The following RER1 variants were observed in gnomAD, a reference collection of about 807,000 sequenced individuals.
RER1 encodes retention in endoplasmic reticulum sorting receptor 1.
In RER1, 6 loss-of-function variants were observed where a neutral mutation model predicts 28.3. The ratio of observed to expected loss-of-function variants is 0.21; its 90% confidence interval spans 0.12 to 0.42. The LOEUF (loss-of-function observed/expected upper bound fraction) is 0.42, where lower values mean the gene tolerates loss of function less well. Among genes scored for constraint, RER1 ranks in the 10% least tolerant of loss-of-function variants. The pLI is 1.00. For synonymous variants in RER1, 110 were observed against 95.9 expected (o/e 1.15, Z -0.86); for missense variants, 159 against 252.9 (o/e 0.63, Z 2.52).
intron 3 of RER1, among the ~76,000 whole-genome samples, chr1:2,398,102 C>T (rs978025143): frequency 6.6e-6 from 1 of 152,234 alleles, no homozygotes; most frequent in African/African-American, 2.4e-5. Context: ...GTGCAGCACC[C>T]ACAGGTCAGT....
rs368031199 is a variant in RER1, at chr1:2,391,891, C to T, written c.-75C>T. ...CCGGAGCGCAGCGCCTGCGGCCGCC[C>T]GTGCCCCGCCGTCCTCCTTCCCGCG... is the stretch of plus-strand genomic sequence containing the variant. On this transcript the variant is annotated 5_prime_UTR_variant, in exon 1 of 7. Transcript: ENST00000605895. 3 of 232,766 alleles carry T rather than the reference C, an allele frequency of 1.3e-5. No individual in the cohort carries two copies. Among genetic ancestry groups the T allele is most frequent in the Admixed American group, 1.1e-4 (2 of 17,582 alleles). 14.4% of individuals were successfully genotyped at this position (232,766 alleles called of 1,614,324 possible).
intron 4 of RER1, 114 bp from the exon 5 acceptor site, chr1:2,400,743 T>C (rs1642834642): frequency 6.9e-6 from 6 of 864,638 alleles, no homozygotes; most frequent in Admixed American, 2.0e-5. Flanking sequence ...TTAAATGACA[T>C]GAATCTCGGT....
chr1:2,398,176 C>T (rs192354482), intron 3 of RER1, among the ~76,000 whole-genome samples: 1 of 151,880 alleles, frequency 6.6e-6, no homozygotes, highest in Admixed American at 6.6e-5. Flanking sequence ...GCCCTGCAGC[C>T]GAGGATGGAC....
chr1:2,400,364 C>T (rs1642828103), intron 4 of RER1, among the ~76,000 whole-genome samples: 1 of 152,312 alleles, frequency 6.6e-6, no homozygotes, highest in South Asian at 2.1e-4. Flanking sequence ...TAACAAAGAG[C>T]CCCTTTCCTG....
Position 2,400,892 on chromosome 1 carries a change from G to C in RER1, c.322G>C (p.Glu108Gln). Residue 108 changes from glutamate to glutamine, a missense_variant, in exon 5 of 7, where the codon GAA becomes CAA. Physicochemically the swap from Glu to Gln is conservative, Grantham distance 29. Coordinates refer to ENST00000605895, the MANE Select transcript of RER1 (RefSeq NM_007033.5). ...TTCGCTACCCACCAAACAGAACGAG[G>C]AATTCCGCCCCTTCATTCGAAGGCT... ...GPSLPTKQNE[E>Q]FRPFIRRLPE... is the part of the protein sequence containing the mutation. 1.2e-6 allele frequency: 2 copies of C among 1,614,116 alleles called. No homozygotes were observed. Among genetic ancestry groups the C allele is most frequent in the Non-Finnish European group, 1.7e-6 (2 of 1,180,016 alleles).
chr1:2,396,174 G>A (rs537018040), intron 2 of RER1: 21 of 356,130 alleles, frequency 5.9e-5, no homozygotes, highest in South Asian at 3.1e-4. Flanking sequence ...CGTGGCTGCC[G>A]TTCTGCTCTT....
chr1:2,397,161 C>T lies in RER1; in HGVS notation c.127C>T (p.Arg43Ter), dbSNP rs989273933. The change falls in exon 3 of 7, where the codon CGA (arginine) becomes TGA (stop). Residue 43 changes from arginine (R) to a stop codon, truncating the protein, a stop_gained. Transcript: ENST00000605895. LOFTEE classifies it high-confidence loss of function. The part of the protein sequence containing the change: ...LDKSTPYTAV[R>*]WVVTLGLSFV... ...CAAGTCCACACCCTACACGGCTGTG[C>T]GATGGGTCGTGACACTGGGCCTGAG... The T allele has an allele frequency of 2.5e-6, 4 of 1,613,904 alleles. No individual in the cohort carries two copies. The highest frequency in any genetic ancestry group is 1.3e-5 in the African/African-American group (1 of 75,014).
chr1:2,392,456 C>T (rs1401504457), intron 1 of RER1, among the ~76,000 whole-genome samples: 1 of 152,212 alleles, frequency 6.6e-6, no homozygotes, highest in Non-Finnish European at 1.5e-5. Flanking sequence ...CTAGTTACAT[C>T]GGTTTTGATC....
rs1642963713 is a variant in RER1 at position 2,405,342 on chromosome 1, C to T, written c.*2218C>T. On this transcript the variant is annotated 3_prime_UTR_variant, in exon 7 of 7. Coordinates refer to ENST00000605895, the MANE Select transcript of RER1 (RefSeq NM_007033.5). ...AACCCGCCAGCCTCCGTGCCCCACC[C>T]CACCCAGCACGCACTCATTCAGTCC... 8.9e-6 allele frequency: 3 copies of T among 337,746 alleles called. No homozygotes were observed. Among genetic ancestry groups the T allele is most frequent in the South Asian group, 7.1e-5 (3 of 42,222 alleles). 20.9% of individuals were successfully genotyped at this position (337,746 alleles called of 1,614,324 possible).
At chr1:2,392,384 T>C (rs1017137358) in intron 1 of RER1, among the ~76,000 whole-genome samples, 18 of 152,356 alleles carry the variant, frequency 1.2e-4, no homozygotes, top group Admixed American at 1.1e-3. Flanking sequence ...AGGTCAGCGC[T>C]TATCTGTAGG....
chr1:2,395,914 G>T, intron 2 of RER1, 43 bp downstream of exon 2: 2 of 1,415,692 alleles, frequency 1.4e-6, no homozygotes, highest in East Asian at 2.3e-5. Context: ...ATTTGAAAAA[G>T]AAACGGGACT....
chr1:2,401,241 TTCCTCCCTCCTTCCTCCCTCCTCCAC>T (rs1642846125), intron 5 of RER1, among the ~76,000 whole-genome samples: 2 of 60,070 alleles, frequency 3.3e-5, no homozygotes, highest in Non-Finnish European at 7.2e-5. Context: ...TCCTCCCTCC[TTCCTCCCTCCTTCCTCCCTCCTCCAC>T]CCTCCCTCCT....
At chr1:2,399,250 A>G (rs1233982810) in intron 3 of RER1, among the ~76,000 whole-genome samples, 165 bp from the exon 4 acceptor site, 2 of 152,222 alleles carry the variant, frequency 1.3e-5, no homozygotes, top group South Asian at 2.1e-4. Context: ...AATTGTTACC[A>G]TGGGATTTCA....
chr1:2,400,046 A>G (rs1642823439), intron 4 of RER1, among the ~76,000 whole-genome samples: 1 of 152,082 alleles, frequency 6.6e-6, no homozygotes, highest in Non-Finnish European at 1.5e-5. Context: ...GTGCTCCACT[A>G]TTGGAAGACT....
At chr1:2,398,587 C>T (rs1642801811) in intron 3 of RER1, among the ~76,000 whole-genome samples, 1 of 152,308 alleles carries the variant, frequency 6.6e-6, no homozygotes, top group East Asian at 1.9e-4. Context: ...CGAGGTTTCA[C>T]CATGTTGGCC....
intron 2 of RER1, 74 bp from the exon 3 acceptor site, chr1:2,397,042 A>G: frequency 1.1e-6 from 1 of 917,632 alleles, no homozygotes; most frequent in Non-Finnish European, 1.8e-6. Flanking sequence ...CCCTAGCAGA[A>G]GGTACATTTT....
At chr1:2,398,913 G>A (rs1642806488) in intron 3 of RER1, among the ~76,000 whole-genome samples, 1 of 152,202 alleles carries the variant, frequency 6.6e-6, no homozygotes, top group South Asian at 2.1e-4. Context: ...TCCTGGCAGA[G>A]TGTTTTTGGC....
chr1:2,393,265 T>G (rs1224188422), intron 1 of RER1: 2 of 152,168 alleles, frequency 1.3e-5, no homozygotes, highest in African/African-American at 4.8e-5. Context: ...GTAATGGACT[T>G]CCAGGTGGCA....
Position 2,393,801 on chromosome 1 carries a change from C to CTGTGTTTGGTATACGTG in RER1, c.-8+1862_-8+1878dup, listed in dbSNP as rs777981402. On this transcript the variant is annotated intron_variant, in intron 1 of 6. Transcript: ENST00000605895. The stretch of plus-strand genomic sequence containing the variant: ...GCAATGCGTTCAGTCAGGGTGCAAG[C>CTGTGTTTGGTATACGTG]TGTGTTTGGTATACGTGTGTGTTTG... 1.8e-4 allele frequency among the ~76,000 whole-genome samples: 28 copies of CTGTGTTTGGTATACGTG among 152,252 alleles called. No individual in the cohort carries two copies. In the East Asian group the frequency reaches 3.9e-3, roughly 21 times the overall value.
Sources: allele counts gnomAD v4.1 joint callset (sites outside exome capture counted in the v4.1 genomes callset), GRCh38; gene constraint gnomAD v4.1.1; transcripts MANE v1.5; gene names NCBI Gene and HGNC (gene_info 2026-07-23, HGNC 2026-07-21).